PARD3B: variants seen among roughly 807,000 people sequenced by gnomAD.
PARD3B encodes par-3 family cell polarity regulator beta.
PARD3B carries 103 observed loss-of-function variants against 130.2 expected under a neutral mutation model. The observed-to-expected ratio is 0.79, with a 90% CI of 0.67 to 0.93. PARD3B has a LOEUF of 0.93. Ranked by LOEUF, PARD3B falls within the 40% of genes least tolerant of loss-of-function variation. The pLI, the probability that PARD3B is intolerant of heterozygous loss-of-function variation, is 0.00. For synonymous variants in PARD3B, 583 were observed against 553.2 expected, an observed-to-expected ratio of 1.05 and a Z score of -0.76; for missense variants, 1,609 against 1,499.2, an observed-to-expected ratio of 1.07 and a Z score of -1.21.
chr2:205,236,374 C>A (rs2039062205), intron 15 of PARD3B, among the ~76,000 whole-genome samples: 1 of 151,472 alleles, frequency 6.6e-6, no homozygotes, highest in Non-Finnish European at 1.5e-5. Flanking sequence ...CAAAATCAGA[C>A]AAGGACATTA....
chr2:205,538,614 TTCTG>T (rs941849884), intron 21 of PARD3B, among the ~76,000 whole-genome samples: 8 of 152,094 alleles, frequency 5.3e-5, no homozygotes, highest in Non-Finnish European at 1.0e-4. Context: ...TTCCCTCTCT[TTCTG>T]TCTATCTGTC....
chr2:205,488,786 G>T (rs1344666083), intron 20 of PARD3B, among the ~76,000 whole-genome samples: 1 of 152,136 alleles, frequency 6.6e-6, no homozygotes, highest in African/African-American at 2.4e-5. Context: ...TCGTTAAATG[G>T]AATGTCCAAT....
chr2:205,383,138 A>AGATAGATAGATAGATAGATAGATAGATC (rs955641992), intron 18 of PARD3B, among the ~76,000 whole-genome samples: 2 of 138,442 alleles, frequency 1.4e-5, no homozygotes, highest in East Asian at 4.0e-4. Flanking sequence ...ATAGATAGAT[A>AGATAGATAGATAGATAGATAGATAGATC]GATCGATCTA....
At chr2:205,613,539 G>T (rs1004324691) in intron 22 of PARD3B, among the ~76,000 whole-genome samples, 1 of 152,214 alleles carries the variant, frequency 6.6e-6, no homozygotes, top group East Asian at 1.9e-4. Context: ...CCCATGGCTA[G>T]AGTGACAGAT....
chr2:204,576,333 C>A lies in PARD3B; in HGVS notation c.120+30214C>A, dbSNP rs1052260965. On this transcript the variant is annotated intron_variant, in intron 1 of 22. Coordinates refer to ENST00000406610, the MANE Select transcript of PARD3B (RefSeq NM_001302769.2). ...CGCAAGTACCCTGGGACACAAGGTA[C>A]ATTTGAATGTGTCTCTGTAATCACC... Among the ~76,000 whole-genome samples, 3 of 152,144 alleles carry A rather than the reference C, an allele frequency of 2.0e-5. No individual in the cohort carries two copies. The East Asian group carries it at 5.8e-4, about 29-fold the overall frequency.
chr2:204,600,829 T>C (rs192450558), intron 1 of PARD3B, among the ~76,000 whole-genome samples: 106 of 152,024 alleles, frequency 7.0e-4, no homozygotes, highest in Admixed American at 6.2e-3. Context: ...ATGAGTTATA[T>C]AGAATGTAAT....
chr2:204,853,821 A>G (rs895470485), intron 2 of PARD3B, among the ~76,000 whole-genome samples: 1 of 152,228 alleles, frequency 6.6e-6, no homozygotes, highest in Non-Finnish European at 1.5e-5. Flanking sequence ...ATTTTAATAA[A>G]TAATACACAT....
chr2:205,499,814 A>C (rs550786447), intron 20 of PARD3B, 82 bp from the exon 21 acceptor site: 1 of 1,368,138 alleles, frequency 7.3e-7, no homozygotes, highest in Non-Finnish European at 9.9e-7. Flanking sequence ...TTAGATGTCA[A>C]CTCCTTTAAC....
chr2:204,717,696 G>A (rs778813135), intron 2 of PARD3B, among the ~76,000 whole-genome samples: 60 of 152,174 alleles, frequency 3.9e-4, no homozygotes, highest in Admixed American at 2.0e-4. Flanking sequence ...TGGCTGGGTA[G>A]TCACAGAGCC....
Position 205,292,136 on chromosome 2 carries a change from G to A in PARD3B, c.2186-8394G>A, listed in dbSNP as rs560838959. ...GCTCCAGTGGGACCCAGTGTAGCAT[G>A]GGTCACAGAGGCTATCCCTCCCAAG... is the stretch of plus-strand genomic sequence containing the variant. On this transcript the variant is annotated intron_variant, in intron 16 of 22. Transcript: ENST00000406610. The surrounding 1 kb of genome is among the most constrained non-coding windows in gnomAD (Gnocchi z 5.3). Among the ~76,000 whole-genome samples, 140 of 152,284 alleles carry A rather than the reference G, an allele frequency of 9.2e-4. No homozygotes were observed. Among genetic ancestry groups the A allele is most frequent in the African/African-American group, 3.3e-3 (137 of 41,564 alleles).
intron 19 of PARD3B, among the ~76,000 whole-genome samples, chr2:205,409,988 A>T (rs1269538451): frequency 6.6e-6 from 1 of 152,134 alleles, no homozygotes; most frequent in Non-Finnish European, 1.5e-5. Flanking sequence ...GTAATCCATA[A>T]TTTTTTTGTA....
At chr2:204,690,741 G>C (rs2037315332) in intron 2 of PARD3B, among the ~76,000 whole-genome samples, 1 of 152,116 alleles carries the variant, frequency 6.6e-6, no homozygotes, top group African/African-American at 2.4e-5. Context: ...GTGGTGACTT[G>C]CTACAGCAGC....
intron 2 of PARD3B, among the ~76,000 whole-genome samples, chr2:204,812,919 C>T (rs759629219): frequency 7.9e-5 from 12 of 152,254 alleles, no homozygotes; most frequent in Middle Eastern, 3.4e-3. Context: ...GGTCTCCTGC[C>T]ATGCTCATGT....
intron 19 of PARD3B, among the ~76,000 whole-genome samples, chr2:205,413,309 G>A (rs116761828): frequency 9.9e-4 from 151 of 152,202 alleles, no homozygotes; most frequent in African/African-American, 3.4e-3. Context: ...TGGAATCGTA[G>A]ATGTTTGTAT....
chr2:205,555,595 A>G (rs1429329547), intron 22 of PARD3B, among the ~76,000 whole-genome samples: 1 of 152,216 alleles, frequency 6.6e-6, no homozygotes, highest in African/African-American at 2.4e-5. Context: ...TTATGAATGT[A>G]TGAATTGACA....
At chr2:205,552,769 C>T (rs961924923) in intron 21 of PARD3B, among the ~76,000 whole-genome samples, 8 of 151,742 alleles carry the variant, frequency 5.3e-5, no homozygotes, top group Non-Finnish European at 1.0e-4. Context: ...GCTATAATGG[C>T]GTGAAAACTA....
intron 1 of PARD3B, chr2:204,558,235 G>A (rs571448557): frequency 6.6e-6 from 1 of 152,258 alleles, no homozygotes; most frequent in East Asian, 1.9e-4. Flanking sequence ...CTCAAGTTGA[G>A]GATGTTAAAC....
At chr2:205,138,022 T>C (rs1178003312) in intron 10 of PARD3B, among the ~76,000 whole-genome samples, 1 of 152,206 alleles carries the variant, frequency 6.6e-6, no homozygotes, top group Non-Finnish European at 1.5e-5. Context: ...ATATAATTCA[T>C]GGAGTCCGAT....
chr2:205,362,415 C>T (rs1182865682), intron 18 of PARD3B, among the ~76,000 whole-genome samples: 1 of 152,166 alleles, frequency 6.6e-6, no homozygotes, highest in Non-Finnish European at 1.5e-5. Context: ...TCATCTCAAT[C>T]AGTCACACTG....
Sources: gnomAD v4.1 joint callset for allele counts (sites outside exome capture counted in the v4.1 genomes callset) on GRCh38, gnomAD v4.1.1 for gene constraint, Gnocchi (gnomAD v3.1) non-coding constraint, MANE v1.5 for transcripts, NCBI Gene and HGNC (gene_info 2026-07-23, HGNC 2026-07-21) for gene names.